Variants in XDH observed in about 807,000 individuals in gnomAD.
XDH encodes xanthine dehydrogenase/oxidase.
A neutral mutation model predicts 156.1 loss-of-function variants in XDH; 138 were observed. The observed-to-expected ratio is 0.88, with a 90% CI of 0.77 to 1.02. The LOEUF (loss-of-function observed/expected upper bound fraction) is 1.02. Ranked by LOEUF, XDH falls within the 50% of genes least tolerant of loss-of-function variation. The probability of loss-of-function intolerance (pLI) is 0.00; values close to 1 mark genes in which losing one functional copy is unlikely to be tolerated. For missense variants in XDH, 1,849 were observed against 1,684.9 expected (o/e 1.10, Z -1.71); for synonymous variants, 669 against 625.7 (o/e 1.07, Z -1.03).
intron 24 of XDH, among the ~76,000 whole-genome samples, chr2:31,361,458 A>G (rs1173705350): frequency 6.6e-6 from 1 of 152,250 alleles, no homozygotes; most frequent in African/African-American, 2.4e-5. Flanking sequence ...ATCATAAGAA[A>G]TGGACAATTA....
intron 33 of XDH, among the ~76,000 whole-genome samples, chr2:31,340,266 C>T (rs112466278): frequency 3.3e-4 from 51 of 152,318 alleles, no homozygotes; most frequent in African/African-American, 1.1e-3. Flanking sequence ...TTTGGGTCTG[C>T]AGTACTGGCT....
rs1684955190 is a variant in XDH, at chr2:31,335,734, T to TTAGGATAA, written c.*223_*224insTTATCCTA. 4 of 619,774 alleles carry TTAGGATAA rather than the reference T, an allele frequency of 6.5e-6. No homozygotes were observed. In the African/African-American group the frequency reaches 7.3e-5, roughly 11 times the overall value. 38.4% of individuals were successfully genotyped at this position (619,774 alleles called of 1,614,324 possible). A position where few individuals can be genotyped will look rare whatever the true frequency, so the allele number is the denominator to read the frequency against. On this transcript the variant is annotated 3_prime_UTR_variant, in exon 36 of 36. Transcript: ENST00000379416. ...ACAGAAAATGATCCTAATTGCATAT[T>TTAGGATAA]CACCATTTAGGCATAACAGTTTTGA...
Position 31,370,352 on chromosome 2 carries a change from T to G in XDH, c.1980+3A>C. The G allele has an allele frequency of 1.2e-6, 2 of 1,614,164 alleles. No homozygotes were observed. The highest frequency in any genetic ancestry group is 1.7e-4 in the Middle Eastern group (1 of 6,060). On this transcript the variant is annotated splice_donor_region_variant and intron_variant, in intron 18 of 35. Transcript: ENST00000379416. ...ACTTCATATAAAAAAATCCAAGACT[T>G]ACCTTATCCTTCGCAAAGACTGTCT...
At position 31,383,725 on chromosome 2, in the gene XDH, T is replaced by G. The variant is rs1216271924; in HGVS notation, c.886+30A>C. 4 of 1,605,346 alleles carry G rather than the reference T, an allele frequency of 2.5e-6. No homozygotes were observed. In the South Asian group the frequency reaches 4.5e-5, roughly 18 times the overall value. On this transcript the variant is annotated intron_variant, in intron 10 of 35. Coordinates refer to ENST00000379416, the MANE Select transcript of XDH (RefSeq NM_000379.4). The stretch of plus-strand genomic sequence containing the variant: ...AACCTATCCCCAGCCTCACAGCCCC[T>G]CCATAAGCTTGGAGTGAACCTCCTC...
At chr2:31,383,685 T>C (rs2148782249) in intron 10 of XDH, 70 bp downstream of exon 10, 1 of 1,471,148 alleles carries the variant, frequency 6.8e-7, no homozygotes, top group Non-Finnish European at 9.4e-7. Flanking sequence ...CCCTGATACC[T>C]GCCACCCACC....
chr2:31,367,837 G>A, intron 20 of XDH, 124 bp downstream of exon 20: 2 of 951,338 alleles, frequency 2.1e-6, no homozygotes, highest in Non-Finnish European at 1.7e-6. Context: ...AAACGTAAGA[G>A]GGAATCTTCT....
At chr2:31,373,809 C>A in intron 16 of XDH, 64 bp downstream of exon 16, 1 of 1,548,496 alleles carries the variant, frequency 6.5e-7, no homozygotes, top group East Asian at 2.3e-5. Context: ...CGATGGTCAG[C>A]CACTAGCCAA....
chr2:31,356,314 T>C (rs890330369), intron 24 of XDH, among the ~76,000 whole-genome samples: 1 of 152,180 alleles, frequency 6.6e-6, no homozygotes, highest in Non-Finnish European at 1.5e-5. Context: ...GAAAAAGAAA[T>C]GCCTCCCCAA....
At chr2:31,367,124 G>C in intron 20 of XDH, 130 bp from the exon 21 acceptor site, 1 of 1,493,154 alleles carries the variant, frequency 6.7e-7, no homozygotes, top group South Asian at 1.2e-5. Flanking sequence ...TAACCTCAAG[G>C]TTTCCCACTT....
Position 31,364,245 on chromosome 2 carries a change from C to T in XDH, c.2545-1G>A. On this transcript the variant is annotated splice_acceptor_variant, in intron 23 of 35. Transcript: ENST00000379416. LOFTEE classifies it high-confidence loss of function. ...CTGTCCCAGTCTTCATGAAGCCAAC[C>T]TGATAAAAGGAGAAAGGAGAGGGAT... The T allele has an allele frequency of 6.2e-7, 1 of 1,614,168 alleles. No individual in the cohort carries two copies. Among genetic ancestry groups the T allele is most frequent in the Non-Finnish European group, 8.5e-7 (1 of 1,180,012 alleles).
At chr2:31,385,958 AGACT>A (rs1686579047) in intron 9 of XDH, among the ~76,000 whole-genome samples, 1 of 152,140 alleles carries the variant, frequency 6.6e-6, no homozygotes, top group Non-Finnish European at 1.5e-5. Flanking sequence ...CTCCTCCCTT[AGACT>A]AGAAGGCCCT....
At chr2:31,357,167 T>C (rs1021505218) in intron 24 of XDH, among the ~76,000 whole-genome samples, 45 of 152,156 alleles carry the variant, frequency 3.0e-4, no homozygotes, top group African/African-American at 1.1e-3. Context: ...ATAGTTAATT[T>C]AAGCTTTCAA....
intron 1 of XDH, among the ~76,000 whole-genome samples, chr2:31,409,582 T>C (rs1296974891): frequency 6.6e-6 from 1 of 152,116 alleles, no homozygotes; most frequent in Non-Finnish European, 1.5e-5. Flanking sequence ...AATTCAAAAA[T>C]GGGCAAAGGA....
chr2:31,356,455 T>C (rs766052800), intron 24 of XDH, among the ~76,000 whole-genome samples: 1 of 152,178 alleles, frequency 6.6e-6, no homozygotes, highest in Non-Finnish European at 1.5e-5. Flanking sequence ...TGCAATCACA[T>C]GTCTCTGTAA....
intron 4 of XDH, among the ~76,000 whole-genome samples, chr2:31,399,992 C>T (rs927399271): frequency 6.6e-6 from 1 of 152,152 alleles, no homozygotes; most frequent in African/African-American, 2.4e-5. Context: ...CCTTAATTAA[C>T]CCTCTCACGT....
At chr2:31,376,555 T>C (rs1686249951) in intron 14 of XDH, among the ~76,000 whole-genome samples, 1 of 149,486 alleles carries the variant, frequency 6.7e-6, no homozygotes, top group East Asian at 1.9e-4. Flanking sequence ...GTAGTACTAA[T>C]AGAGTAAGCG....
chr2:31,397,695 G>A lies in XDH; in HGVS notation c.468C>T (p.Ile156=), dbSNP rs146749952. The A allele has an allele frequency of 7.4e-6, 12 of 1,614,110 alleles. No homozygotes were observed. In the African/African-American group the frequency reaches 1.5e-4, roughly 20 times the overall value. ...TGGCAAAGGTCCGGAAGCCCTGGAG[G>A]ATGGGTCTGTAGCCTGTGCAGCGGC... The part of the protein sequence containing the change: ...NLCRCTGYRP[I]LQGFRTFARD... Residue 156 remains isoleucine, a synonymous_variant, in exon 6 of 36, where the codon ATC becomes ATT. Coordinates refer to ENST00000379416, the MANE Select transcript of XDH (RefSeq NM_000379.4).
chr2:31,379,045 C>A (rs1572547074), intron 13 of XDH, among the ~76,000 whole-genome samples: 1 of 152,174 alleles, frequency 6.6e-6, no homozygotes, highest in East Asian at 1.9e-4. Flanking sequence ...CTCACTAAAG[C>A]TCCAGCTGTG....
chr2:31,341,860 A>T (rs1188743282), intron 32 of XDH, among the ~76,000 whole-genome samples: 1 of 152,230 alleles, frequency 6.6e-6, no homozygotes, highest in Admixed American at 6.5e-5. Flanking sequence ...GACAAGTAAA[A>T]ATTGTATGAG....
Sources: gnomAD v4.1 joint callset for allele counts (sites outside exome capture counted in the v4.1 genomes callset) on GRCh38, gnomAD v4.1.1 for gene constraint, MANE v1.5 for transcripts, NCBI Gene and HGNC (gene_info 2026-07-23, HGNC 2026-07-21) for gene names.